The following BAZ2B variants were observed in gnomAD, a reference collection of about 807,000 sequenced individuals.
BAZ2B encodes bromodomain adjacent to zinc finger domain protein 2B.
BAZ2B carries 91 observed loss-of-function variants against 246.0 expected under a neutral mutation model. The ratio of observed to expected loss-of-function variants is 0.37; its 90% confidence interval spans 0.31 to 0.44. BAZ2B has a LOEUF of 0.44. Ranked by LOEUF, BAZ2B falls within the 20% of genes least tolerant of loss-of-function variation. The pLI, the probability that BAZ2B is intolerant of heterozygous loss-of-function variation, is 1.00. For missense variants in BAZ2B, 2,332 were observed against 2,533.7 expected (o/e 0.92, Z 1.71); for synonymous variants, 855 against 860.0 (o/e 0.99, Z 0.10).
chr2:159,381,862 GCAT>G (rs1465524698), intron 25 of BAZ2B, among the ~76,000 whole-genome samples: 3 of 152,152 alleles, frequency 2.0e-5, no homozygotes, highest in Non-Finnish European at 4.4e-5. Flanking sequence ...CCTTGGTCAT[GCAT>G]TTCTCTCTGC....
intron 3 of BAZ2B, among the ~76,000 whole-genome samples, chr2:159,469,081 G>A (rs1577408819): frequency 6.9e-6 from 1 of 145,004 alleles, no homozygotes. Context: ...GGGAAAAAGA[G>A]AAAATCATAC....
chr2:159,544,789 A>T (rs924421755), intron 2 of BAZ2B, among the ~76,000 whole-genome samples: 14 of 152,220 alleles, frequency 9.2e-5, no homozygotes, highest in African/African-American at 3.4e-4. Context: ...GTGGAAAAAA[A>T]CATTCCGACA....
At chr2:159,359,062 C>T (rs2059409974) in intron 27 of BAZ2B, among the ~76,000 whole-genome samples, 1 of 152,080 alleles carries the variant, frequency 6.6e-6, no homozygotes, top group African/African-American at 2.4e-5. Context: ...GAGGCAAGAG[C>T]AAACACATTC....
chr2:159,684,569 A>G, the BAZ2B span, among the ~76,000 whole-genome samples: 1 of 152,194 alleles, frequency 6.6e-6, no homozygotes, highest in Non-Finnish European at 1.5e-5. Context: ...TGGTGCAATC[A>G]TGGTCCACTG....
At chr2:159,519,699 G>C (rs1161815873) in intron 2 of BAZ2B, among the ~76,000 whole-genome samples, 3 of 126,648 alleles carry the variant, frequency 2.4e-5, no homozygotes, top group Non-Finnish European at 4.9e-5. Flanking sequence ...TTGAGACAGA[G>C]TCTTGCTCTG....
At chr2:159,703,557 G>C in the BAZ2B span, among the ~76,000 whole-genome samples, 1 of 152,056 alleles carries the variant, frequency 6.6e-6, no homozygotes, top group Non-Finnish European at 1.5e-5. Context: ...CAAAAAAAGC[G>C]CTGAGTTAAA....
the BAZ2B span, among the ~76,000 whole-genome samples, chr2:159,657,704 C>G: frequency 6.6e-6 from 1 of 152,180 alleles, no homozygotes; most frequent in African/African-American, 2.4e-5. Context: ...CTAAGTACTT[C>G]TAGGGTTTGG....
intron 6 of BAZ2B, among the ~76,000 whole-genome samples, chr2:159,446,235 G>C (rs1194680952): frequency 1.3e-5 from 2 of 152,164 alleles, no homozygotes; most frequent in Admixed American, 6.6e-5. Context: ...AAGAAGAAAA[G>C]AGTGATTGAG....
intron 19 of BAZ2B, chr2:159,396,036 A>C: frequency 2.2e-6 from 1 of 462,146 alleles, no homozygotes; most frequent in Non-Finnish European, 3.8e-6. Context: ...AGCAAATACA[A>C]CAATCAAAAG....
chr2:159,710,824 T>C, the BAZ2B span: 23 of 152,374 alleles, frequency 1.5e-4, no homozygotes, highest in Admixed American at 5.2e-4. Flanking sequence ...CTGCCAGGTC[T>C]GACTGCCATA....
At chr2:159,467,540 T>C (rs542237557) in intron 3 of BAZ2B, among the ~76,000 whole-genome samples, 100 of 152,348 alleles carry the variant, frequency 6.6e-4, no homozygotes, top group African/African-American at 2.2e-3. Flanking sequence ...AATTGACTTA[T>C]GTTGTGTCCA....
At chr2:159,379,009 G>T (rs78364291) in intron 25 of BAZ2B, among the ~76,000 whole-genome samples, 6,217 of 152,154 alleles carry the variant, frequency 0.041, 159 homozygotes, top group South Asian at 0.088. Context: ...TTATTCAAAA[G>T]AACTGAAATC....
At chr2:159,451,020 C>A (rs35156097) in intron 4 of BAZ2B, among the ~76,000 whole-genome samples, 49,773 of 151,874 alleles carry the variant, frequency 0.33, 9,699 homozygotes, top group Non-Finnish European at 0.46. Context: ...CCATGGCCAG[C>A]CAATATTTGA....
intron 36 of BAZ2B, among the ~76,000 whole-genome samples, chr2:159,324,420 C>T (rs987241188): frequency 2.6e-5 from 4 of 152,098 alleles, no homozygotes; most frequent in Admixed American, 6.6e-5. Context: ...ATCCATATGA[C>T]GTGTGGTTGA....
chr2:159,595,466 C>T (rs1173729667), intron 1 of BAZ2B, among the ~76,000 whole-genome samples: 2 of 152,142 alleles, frequency 1.3e-5, no homozygotes, highest in African/African-American at 4.8e-5. Flanking sequence ...ATTTTTGCCA[C>T]TTTAAGAGGC....
In BAZ2B at chr2:159,452,614, C is replaced by T. The variant is rs112214690; in HGVS notation, c.334+999G>A. ...CAGACCTCACTAAAATTTATTAAAG[C>T]CAAATTAATCTATAGAAAATACATA... On this transcript the variant is annotated intron_variant, in intron 4 of 36. Transcript: ENST00000392783. 1.3e-3 allele frequency among the ~76,000 whole-genome samples: 192 copies of T among 152,156 alleles called. 1 individual carries two copies. Among genetic ancestry groups the T allele is most frequent in the African/African-American group, 4.5e-3 (188 of 41,510 alleles).
rs114957255 is a variant in BAZ2B, at chr2:159,468,530, G to A, written c.145+10045C>T. On this transcript the variant is annotated intron_variant, in intron 3 of 36. Coordinates refer to ENST00000392783, the MANE Select transcript of BAZ2B (RefSeq NM_013450.4). ...CCACAGTAAAACTAAAATGGATATC[G>A]ATTTTAAAAACTAAATGTTAATGAC... Among the ~76,000 whole-genome samples, 233 of 152,236 alleles carry A rather than the reference G, an allele frequency of 1.5e-3. 1 individual carries two copies. Among genetic ancestry groups the A allele is most frequent in the African/African-American group, 5.2e-3 (218 of 41,536 alleles).
intron 2 of BAZ2B, among the ~76,000 whole-genome samples, chr2:159,553,182 G>T (rs2088548885): frequency 6.6e-6 from 1 of 151,808 alleles, no homozygotes; most frequent in South Asian, 2.1e-4. Context: ...ATCACTTGAG[G>T]TCAGGAGTTC....
chr2:159,471,817 A>G (rs908847916), intron 3 of BAZ2B, among the ~76,000 whole-genome samples: 2 of 152,188 alleles, frequency 1.3e-5, no homozygotes, highest in Non-Finnish European at 2.9e-5. Context: ...CTTTGAGTTG[A>G]GCATTTATTC....
Sources: allele counts gnomAD v4.1 joint callset (sites outside exome capture counted in the v4.1 genomes callset), GRCh38; gene constraint gnomAD v4.1.1; transcripts MANE v1.5; gene names NCBI Gene and HGNC (gene_info 2026-07-23, HGNC 2026-07-21).